KCNK13: variants seen among roughly 807,000 people sequenced by gnomAD.
KCNK13 encodes the protein potassium channel subfamily K member 13.
In KCNK13, 12 loss-of-function variants were observed where a neutral mutation model predicts 23.4. The ratio of observed to expected loss-of-function variants is 0.51; its 90% CI spans 0.33 to 0.83. The LOEUF is 0.83. Among genes scored for constraint, KCNK13 ranks in the 40% least tolerant of loss-of-function variants. The pLI is 0.02. For synonymous variants in KCNK13, 231 were observed against 229.5 expected, an observed-to-expected ratio of 1.01 and a Z score of -0.06; for missense variants, 463 against 556.3, an observed-to-expected ratio of 0.83 and a Z score of 1.69.
chr14:90,144,317 A>C (rs1890048579), intron 1 of KCNK13, among the ~76,000 whole-genome samples: 1 of 152,076 alleles, frequency 6.6e-6, no homozygotes. Flanking sequence ...GCTATTGTAC[A>C]TGATATCTTA....
chr14:90,163,505 A>G (rs1456878111), intron 1 of KCNK13, among the ~76,000 whole-genome samples: 1 of 152,162 alleles, frequency 6.6e-6, no homozygotes, highest in Non-Finnish European at 1.5e-5. Flanking sequence ...CCAATGGATA[A>G]CAATGACTTC....
chr14:90,145,503 G>A (rs1384145380), intron 1 of KCNK13, among the ~76,000 whole-genome samples: 6 of 152,146 alleles, frequency 3.9e-5, no homozygotes, highest in Non-Finnish European at 8.8e-5. Context: ...CTGAAATTAT[G>A]TAAGAATTAT....
At position 90,062,211 on chromosome 14, in the gene KCNK13, T is replaced by C; in HGVS notation, c.6T>C (p.Ala2=). ...CTGCCCCCGGGGGCCCGGCCATGGC[T>C]GGCCGGGGTTTCAGCTGGGGCCCGG... M[A]GRGFSWGPGH... The change falls in exon 1 of 2, where the codon GCT becomes GCC. Residue 2 remains alanine (A), a synonymous_variant. Transcript: ENST00000282146. This position sits in a 1 kb window ranked among gnomAD's most constrained non-coding sequence, Gnocchi z 4.5. The C allele has an allele frequency of 9.1e-7, 1 of 1,100,344 alleles. No individual in the cohort carries two copies. The highest frequency in any genetic ancestry group is 1.2e-6 in the Non-Finnish European group (1 of 831,038). 68.2% of individuals were successfully genotyped at this position (1,100,344 alleles called of 1,614,324 possible).
chr14:90,110,050 C>G (rs1024450992), intron 1 of KCNK13, among the ~76,000 whole-genome samples: 14 of 152,256 alleles, frequency 9.2e-5, no homozygotes, highest in African/African-American at 2.9e-4. Flanking sequence ...AGCCCTACCC[C>G]CTCCACACTA....
At chr14:90,098,860 A>G (rs1285436829) in intron 1 of KCNK13, among the ~76,000 whole-genome samples, 1 of 152,130 alleles carries the variant, frequency 6.6e-6, no homozygotes, top group Non-Finnish European at 1.5e-5. Flanking sequence ...CAGGTGGATC[A>G]TGAGATCAGG....
chr14:90,090,837 G>T (rs747752282), intron 1 of KCNK13, among the ~76,000 whole-genome samples: 1 of 152,114 alleles, frequency 6.6e-6, no homozygotes, highest in African/African-American at 2.4e-5. Flanking sequence ...TTTGCCTGCC[G>T]CCATCCATGT....
rs572770284 is a variant in KCNK13, at chr14:90,072,825, G to A, written c.334+10286G>A. On this transcript the variant is annotated intron_variant, in intron 1 of 1. Transcript: ENST00000282146. ...GCAGAATGGTTTAACTATCCTCAAAGAGTTGGACTTGGGGTTATATGTGAT... is the reference window on the plus strand; with the variant it reads ...GCAGAATGGTTTAACTATCCTCAAAAAGTTGGACTTGGGGTTATATGTGAT... Among the ~76,000 whole-genome samples, 203 of 152,222 alleles carry A rather than the reference G, an allele frequency of 1.3e-3. 1 individual carries two copies. The highest frequency in any genetic ancestry group is 4.6e-3 in the African/African-American group (192 of 41,550).
At chr14:90,144,661 G>A (rs1253173541) in intron 1 of KCNK13, among the ~76,000 whole-genome samples, 1 of 151,766 alleles carries the variant, frequency 6.6e-6, no homozygotes, top group Non-Finnish European at 1.5e-5. Flanking sequence ...GTTTCTCCAT[G>A]TTTGCCTGGC....
chr14:90,152,459 C>T lies in KCNK13; in HGVS notation c.335-31652C>T, dbSNP rs887168459. 7.9e-5 allele frequency among the ~76,000 whole-genome samples: 12 copies of T among 152,164 alleles called. 1 individual carries two copies. The highest frequency in any genetic ancestry group is 6.2e-4 in the South Asian group (3 of 4,810). On this transcript the variant is annotated intron_variant, in intron 1 of 1. Transcript: ENST00000282146. ...CTGAGGCAGGAGAATCGCTTGAACC[C>T]GGGAGGTGGAGGTTGTGGTGACCCG...
At chr14:90,110,881 T>C (rs956862049) in intron 1 of KCNK13, among the ~76,000 whole-genome samples, 1 of 151,714 alleles carries the variant, frequency 6.6e-6, no homozygotes, top group African/African-American at 2.4e-5. Context: ...TGGTGGCAGG[T>C]GCCTGTAATC....
chr14:90,128,557 C>T (rs192586033), intron 1 of KCNK13, among the ~76,000 whole-genome samples: 2 of 152,216 alleles, frequency 1.3e-5, no homozygotes, highest in East Asian at 3.9e-4. Context: ...AAAGGGCCAG[C>T]CCTCAGCACC....
chr14:90,177,201 A>G (rs1890431730), intron 1 of KCNK13: 4 of 152,220 alleles, frequency 2.6e-5, no homozygotes, highest in Admixed American at 2.6e-4. Flanking sequence ...TCTCAAAAAA[A>G]AGAAAAGCAG....
chr14:90,161,559 G>A (rs528491256), intron 1 of KCNK13, among the ~76,000 whole-genome samples: 10 of 152,326 alleles, frequency 6.6e-5, no homozygotes, highest in South Asian at 4.1e-4. Context: ...GGGAATCAGT[G>A]TGACAAGATT....
chr14:90,092,114 G>A (rs1481409400), intron 1 of KCNK13, among the ~76,000 whole-genome samples: 1 of 151,958 alleles, frequency 6.6e-6, no homozygotes, highest in East Asian at 1.9e-4. Context: ...AGTAGAGATG[G>A]GGTTTCACCA....
chr14:90,130,350 CCA>C (rs1889853386), intron 1 of KCNK13, among the ~76,000 whole-genome samples: 1 of 151,868 alleles, frequency 6.6e-6, no homozygotes, highest in Non-Finnish European at 1.5e-5. Flanking sequence ...CAGGCACGCA[CCA>C]CCACGCCCGG....
rs181049389 is a variant in KCNK13, at chr14:90,183,995, G to C, written c.335-116G>C. 7.8e-6 allele frequency: 7 copies of C among 895,882 alleles called. No individual in the cohort carries two copies. In the Admixed American group the frequency reaches 1.2e-4, roughly 16 times the overall value. 55.5% of individuals were successfully genotyped at this position (895,882 alleles called of 1,614,324 possible). On this transcript the variant is annotated intron_variant, in intron 1 of 1. Transcript: ENST00000282146. ...CCTGCTCATTCCTAGAAAGACTAAG[G>C]CTGAGTGATTTTATGAAACTCTCTT...
intron 1 of KCNK13, among the ~76,000 whole-genome samples, chr14:90,113,235 TA>T (rs1333666976): frequency 2.0e-5 from 3 of 152,144 alleles, no homozygotes; most frequent in Non-Finnish European, 2.9e-5. Context: ...GTTTTTTTTT[TA>T]AATGGAAAAA....
At position 90,184,123 on chromosome 14, in the gene KCNK13, C is replaced by T; in HGVS notation, c.347C>T (p.Thr116Ile). ...TTCTCTCCTGCAGGGTTTGGGATGA[C>T]AACTCCGGCGACAGTAGGAGGAAAA... The part of the protein sequence containing the change: ...TVVSTIGFGM[T>I]TPATVGGKIF... Residue 116 changes from threonine (T) to isoleucine (I), a missense_variant, in exon 2 of 2, where the codon ACA (threonine) becomes ATA (isoleucine). Transcript: ENST00000282146. This position sits in a 1 kb window ranked among gnomAD's most constrained non-coding sequence, Gnocchi z 5.6. 1 of 1,612,338 alleles carries T rather than the reference C, an allele frequency of 6.2e-7. No individual in the cohort carries two copies. The highest frequency in any genetic ancestry group is 8.5e-7 in the Non-Finnish European group (1 of 1,178,636).
intron 1 of KCNK13, among the ~76,000 whole-genome samples, chr14:90,109,283 T>TA (rs755718891): frequency 4.0e-5 from 6 of 151,354 alleles, no homozygotes; most frequent in African/African-American, 1.2e-4. Context: ...TCTTTTCTAA[T>TA]AAAAAAATAC....
Sources: allele counts gnomAD v4.1 joint callset (sites outside exome capture counted in the v4.1 genomes callset), GRCh38; gene constraint gnomAD v4.1.1; non-coding constraint Gnocchi (gnomAD v3.1); transcripts MANE v1.5; gene names NCBI Gene and HGNC (gene_info 2026-07-23, HGNC 2026-07-21).